The following DPYD variants were observed in gnomAD, a reference collection of about 807,000 sequenced individuals.
The protein encoded by DPYD is dihydropyrimidine dehydrogenase, also known as dihydropyrimidine dehydrogenase [NADP(+)].
In DPYD, 109 loss-of-function variants were observed where a neutral mutation model predicts 116.2. The ratio of observed to expected loss-of-function variants is 0.94; its 90% CI spans 0.80 to 1.10. DPYD has a LOEUF of 1.10. Ranked by LOEUF, DPYD falls within the 50% of genes least tolerant of loss-of-function variation. The probability of loss-of-function intolerance (pLI) is 0.00; values close to 1 mark genes in which losing one functional copy is unlikely to be tolerated. For synonymous variants in DPYD, 440 were observed against 432.0 expected (o/e 1.02, Z -0.23); for missense variants, 1,302 against 1,254.5 (o/e 1.04, Z -0.57).
chr1:97,570,976 G>C (rs1014040271), intron 11 of DPYD, among the ~76,000 whole-genome samples: 1 of 151,908 alleles, frequency 6.6e-6, no homozygotes, highest in African/African-American at 2.4e-5. Flanking sequence ...TGGAAAACTA[G>C]ATTTAAGAGT....
intron 20 of DPYD, among the ~76,000 whole-genome samples, chr1:97,137,292 T>G (rs751418130): frequency 2.4e-4 from 37 of 152,230 alleles, no homozygotes; most frequent in Non-Finnish European, 4.0e-4. Flanking sequence ...GTCATCTGCC[T>G]CGGAGAGACT....
intron 10 of DPYD, among the ~76,000 whole-genome samples, chr1:97,591,474 A>AAATG (rs1249286763): frequency 3.9e-5 from 6 of 152,164 alleles, no homozygotes; most frequent in South Asian, 2.1e-4. Flanking sequence ...TAGTTTTAAT[A>AAATG]AATGAATGAA....
At chr1:97,268,733 C>T (rs530468452) in intron 18 of DPYD, among the ~76,000 whole-genome samples, 1 of 152,212 alleles carries the variant, frequency 6.6e-6, no homozygotes, top group Admixed American at 6.5e-5. Context: ...ATATGAGCCC[C>T]TGTCTAGAAA....
chr1:97,292,421 A>G (rs75577519), intron 18 of DPYD, among the ~76,000 whole-genome samples: 1 of 151,506 alleles, frequency 6.6e-6, no homozygotes, highest in Admixed American at 6.5e-5. Context: ...GAAGTGGGGG[A>G]AAAGCCCCTT....
chr1:97,114,743 TG>T (rs767357957), intron 20 of DPYD, among the ~76,000 whole-genome samples: 2 of 152,088 alleles, frequency 1.3e-5, no homozygotes, highest in Non-Finnish European at 1.5e-5. Flanking sequence ...AGATTTTCCC[TG>T]AATGATGAAA....
intron 20 of DPYD, among the ~76,000 whole-genome samples, chr1:97,174,172 G>A (rs963879794): frequency 2.6e-5 from 4 of 152,100 alleles, no homozygotes; most frequent in Admixed American, 2.0e-4. Flanking sequence ...GTCCAGCCCT[G>A]CATGTAATAT....
chr1:97,149,785 C>A (rs1276712519), intron 20 of DPYD, among the ~76,000 whole-genome samples: 1 of 152,192 alleles, frequency 6.6e-6, no homozygotes, highest in Admixed American at 6.5e-5. Context: ...AGATTGCATA[C>A]CCACAAAGCC....
At chr1:97,141,891 C>T (rs1654252213) in intron 20 of DPYD, among the ~76,000 whole-genome samples, 1 of 152,090 alleles carries the variant, frequency 6.6e-6, no homozygotes, top group Non-Finnish European at 1.5e-5. Context: ...GAGTTACTGA[C>T]TCCTTTGCCA....
intron 16 of DPYD, among the ~76,000 whole-genome samples, chr1:97,323,522 A>G: frequency 1.4e-5 from 1 of 69,640 alleles, no homozygotes; most frequent in African/African-American, 5.4e-5. Context: ...GTGTATATAT[A>G]CACATATATA....
At chr1:97,119,703 A>G (rs1652272722) in intron 20 of DPYD, among the ~76,000 whole-genome samples, 1 of 151,998 alleles carries the variant, frequency 6.6e-6, no homozygotes, top group South Asian at 2.1e-4. Context: ...CAGCCCTCTC[A>G]CAAAATCACT....
chr1:97,784,814 A>G (rs1274497486), intron 3 of DPYD, among the ~76,000 whole-genome samples: 1 of 152,182 alleles, frequency 6.6e-6, no homozygotes. Context: ...CAACTTCTTA[A>G]GGCCTCCATT....
rs1170639193 is a variant in DPYD, at chr1:97,195,580, ATATATATATATATATG to A, written c.2443-2348_2443-2333del. Among the ~76,000 whole-genome samples, 13 of 45,882 alleles carry A rather than the reference ATATATATATATATATG, an allele frequency of 2.8e-4. 1 individual carries two copies. The highest frequency in any genetic ancestry group is 1.0e-3 in the African/African-American group (12 of 11,804). 30.1% of individuals were successfully genotyped at this position (45,882 alleles called of 152,430 possible). A position where few individuals can be genotyped will look rare whatever the true frequency, so the allele number is the denominator to read the frequency against. On this transcript the variant is annotated intron_variant, in intron 19 of 22. Coordinates refer to ENST00000370192, the MANE Select transcript of DPYD (RefSeq NM_000110.4). ...AGAGACAGAACTCTCATATATATAT[ATATATATATATATATG>A]TGTGTGTGTGTATATATATGTATGT... is the stretch of plus-strand genomic sequence containing the variant.
chr1:97,891,755 T>A (rs1571540469), intron 1 of DPYD, among the ~76,000 whole-genome samples: 2 of 151,896 alleles, frequency 1.3e-5, no homozygotes, highest in South Asian at 4.1e-4. Flanking sequence ...GAATTCCAAT[T>A]GCAGGAAGCT....
At chr1:97,229,230 A>AG (rs1307862998) in intron 19 of DPYD, among the ~76,000 whole-genome samples, 13 of 148,886 alleles carry the variant, frequency 8.7e-5, no homozygotes, top group African/African-American at 3.2e-4. Context: ...GAAAAAAAAA[A>AG]AAGAATTTGA....
Position 97,078,833 on chromosome 1 carries a change from ATGT to A in DPYD, c.*140_*142del. Reference sequence around the variant, plus strand: ...CATGAGACATTTTTTACACTTACAAATGTATTTTGAAATTACATATTTTTATTT... The same window carrying A: ...CATGAGACATTTTTTACACTTACAAAATTTTGAAATTACATATTTTTATTT... On this transcript the variant is annotated 3_prime_UTR_variant, in exon 23 of 23. Transcript: ENST00000370192. 1.0e-6 allele frequency: 1 copy of A among 974,362 alleles called. No individual in the cohort carries two copies. The highest frequency in any genetic ancestry group is 1.6e-5 in the African/African-American group (1 of 60,994). 60.4% of individuals were successfully genotyped at this position (974,362 alleles called of 1,614,324 possible). A position where few individuals can be genotyped will look rare whatever the true frequency, so the allele number is the denominator to read the frequency against.
chr1:97,335,122 T>G (rs1200261120), intron 16 of DPYD, among the ~76,000 whole-genome samples: 1 of 152,162 alleles, frequency 6.6e-6, no homozygotes, highest in Non-Finnish European at 1.5e-5. Context: ...AACTTTGCTG[T>G]CAGCTTTTGT....
intron 14 of DPYD, among the ~76,000 whole-genome samples, chr1:97,422,588 A>T (rs1262301826): frequency 6.6e-6 from 1 of 152,144 alleles, no homozygotes; most frequent in Non-Finnish European, 1.5e-5. Context: ...CTGGGTCACT[A>T]GTATTACTTC....
At chr1:97,473,335 C>T (rs1677765145) in intron 13 of DPYD, among the ~76,000 whole-genome samples, 1 of 152,172 alleles carries the variant, frequency 6.6e-6, no homozygotes, top group South Asian at 2.1e-4. Flanking sequence ...GAATAATATT[C>T]CATGTGTAGG....
In DPYD at chr1:97,382,373, T is replaced by C. The variant is rs202225904; in HGVS notation, c.1974+20A>G. ...TAGGAGAGAAGAAATAAAATAAATA[T>C]ATACTAAAGTAACCATTACCTCAGA... On this transcript the variant is annotated intron_variant, in intron 15 of 22. Coordinates refer to ENST00000370192, the MANE Select transcript of DPYD (RefSeq NM_000110.4). 12 of 1,483,508 alleles carry C rather than the reference T, an allele frequency of 8.1e-6. No homozygotes were observed. The East Asian group carries it at 2.6e-4, about 32-fold the overall frequency. The allele number at this position is 1,483,508 out of a possible 1,614,324, so 91.9% of individuals were successfully genotyped here. A position where few individuals can be genotyped will look rare whatever the true frequency, so the allele number is the denominator to read the frequency against.
Sources: allele counts gnomAD v4.1 joint callset (sites outside exome capture counted in the v4.1 genomes callset), GRCh38; gene constraint gnomAD v4.1.1; transcripts MANE v1.5; gene names NCBI Gene and HGNC (gene_info 2026-07-23, HGNC 2026-07-21).